The following ARAP2 variants were observed in gnomAD, a reference collection of about 807,000 sequenced individuals.
The protein encoded by ARAP2 is ArfGAP with RhoGAP domain, ankyrin repeat and PH domain 2.
In ARAP2, 148 loss-of-function variants were observed where a neutral mutation model predicts 194.5. That is an observed-to-expected ratio of 0.76 (90% CI 0.67 to 0.87). ARAP2 has a LOEUF of 0.87. Among genes scored for constraint, ARAP2 ranks in the 40% least tolerant of loss-of-function variants. ARAP2 has a pLI of 0.00. For missense variants in ARAP2, 2,128 were observed against 1,989.7 expected, an observed-to-expected ratio of 1.07 and a Z score of -1.32; for synonymous variants, 695 against 683.5, an observed-to-expected ratio of 1.02 and a Z score of -0.26.
chr4:36,070,187 G>C (rs1364656025), intron 32 of ARAP2, among the ~76,000 whole-genome samples: 1 of 152,176 alleles, frequency 6.6e-6, no homozygotes, highest in African/African-American at 2.4e-5. Context: ...TTAAATGAAG[G>C]TGGGGAGATG....
intron 1 of ARAP2, among the ~76,000 whole-genome samples, chr4:36,238,561 G>A (rs13114697): frequency 1.3e-5 from 2 of 151,938 alleles, no homozygotes; most frequent in South Asian, 2.1e-4. Flanking sequence ...TGTTCATAAG[G>A]GCTTATATTC....
chr4:36,169,709 A>G (rs375057715), intron 9 of ARAP2, among the ~76,000 whole-genome samples: 7 of 151,852 alleles, frequency 4.6e-5, no homozygotes, highest in Non-Finnish European at 7.4e-5. Context: ...CTTTTTTTGT[A>G]TTTTAGTAGA....
At chr4:36,181,478 TA>T (rs1739238103) in intron 8 of ARAP2, among the ~76,000 whole-genome samples, 1 of 152,088 alleles carries the variant, frequency 6.6e-6, no homozygotes, top group African/African-American at 2.4e-5. Context: ...GCATACTCCT[TA>T]ATAACAAGGG....
chr4:36,119,743 T>C, intron 23 of ARAP2, 25 bp from the exon 24 acceptor site: 1 of 1,509,314 alleles, frequency 6.6e-7, no homozygotes, highest in East Asian at 2.3e-5. Context: ...ATTCGGGACA[T>C]TCTAATAATG....
rs191308769 is a variant in ARAP2, at chr4:36,171,793, T to G, written c.1858-4746A>C. 3.6e-4 allele frequency among the ~76,000 whole-genome samples: 55 copies of G among 152,298 alleles called. No homozygotes were observed. The East Asian group carries it at 9.2e-3, about 26-fold the overall frequency. On this transcript the variant is annotated intron_variant, in intron 9 of 32. Transcript: ENST00000303965. The stretch of plus-strand genomic sequence containing the variant: ...TGAATTTGAAACCAACTGAACATAG[T>G]ATCTATTTAAAACTTAATTACAAAA...
chr4:36,154,280 T>C (rs908911269), intron 15 of ARAP2, among the ~76,000 whole-genome samples: 3 of 152,164 alleles, frequency 2.0e-5, no homozygotes, highest in Non-Finnish European at 4.4e-5. Flanking sequence ...TAAGATACAT[T>C]AGTAATCCTT....
At chr4:36,223,393 G>A (rs185029311) in intron 2 of ARAP2, among the ~76,000 whole-genome samples, 1 of 152,162 alleles carries the variant, frequency 6.6e-6, no homozygotes, top group East Asian at 1.9e-4. Context: ...GTAAATAGAG[G>A]AAATCTGCAG....
chr4:36,011,178 T>C (rs1714469298), intron 9 of ARAP2, among the ~76,000 whole-genome samples: 1 of 152,112 alleles, frequency 6.6e-6, no homozygotes, highest in Non-Finnish European at 1.5e-5. Context: ...GAAATAACCC[T>C]ACTCTTTTAT....
chr4:36,057,048 T>C (rs904900909), intron 2 of ARAP2, among the ~76,000 whole-genome samples: 3 of 80,944 alleles, frequency 3.7e-5, no homozygotes, highest in Non-Finnish European at 1.0e-4. Context: ...CTGTAGTTTT[T>C]TGTTGTTTTT....
intron 5 of ARAP2, among the ~76,000 whole-genome samples, chr4:36,023,730 T>C (rs1717408486): frequency 1.3e-5 from 2 of 152,190 alleles, no homozygotes; most frequent in Admixed American, 1.3e-4. Context: ...AGAGATTTCA[T>C]GGGCAGAGAC....
chr4:36,203,126 C>CA (rs1294653178), intron 6 of ARAP2, among the ~76,000 whole-genome samples: 1 of 152,172 alleles, frequency 6.6e-6, no homozygotes, highest in Non-Finnish European at 1.5e-5. Flanking sequence ...GTCTCTCCAC[C>CA]TTCACTCAAC....
intron 5 of ARAP2, among the ~76,000 whole-genome samples, chr4:36,021,122 C>T (rs1444621263): frequency 5.9e-5 from 9 of 151,984 alleles, no homozygotes; most frequent in East Asian, 5.8e-4. Flanking sequence ...TGCAGCTATT[C>T]GGAAAGGAGA....
intron 3 of ARAP2, among the ~76,000 whole-genome samples, chr4:36,050,187 TG>T (rs1473953249): frequency 3.3e-5 from 5 of 152,192 alleles, no homozygotes; most frequent in Admixed American, 2.0e-4. Flanking sequence ...ACCACAACAG[TG>T]TAATTATCCA....
chr4:36,013,908 A>G (rs2109315959), intron 8 of ARAP2, among the ~76,000 whole-genome samples: 1 of 152,240 alleles, frequency 6.6e-6, no homozygotes, highest in African/African-American at 2.4e-5. Context: ...TCTCATCAAG[A>G]ACAGTAGGAA....
At chr4:36,166,290 A>T (rs897943023) in intron 10 of ARAP2, among the ~76,000 whole-genome samples, 2 of 152,132 alleles carry the variant, frequency 1.3e-5, no homozygotes, top group African/African-American at 4.8e-5. Context: ...GTTGAACTCA[A>T]AAGATGTTGA....
rs1325826855 is a variant in ARAP2, at chr4:36,066,341, T to C, written c.*1566A>G. On this transcript the variant is annotated 3_prime_UTR_variant, in exon 33 of 33. Coordinates refer to ENST00000303965, the MANE Select transcript of ARAP2 (RefSeq NM_015230.4). ...GAAGATTCCCTAATAGTGCCACCTA[T>C]TTCATAAACTGTCCTGCAGTTTTGT... 6.6e-6 allele frequency: 1 copy of C among 152,186 alleles called. No individual in the cohort carries two copies. The highest frequency in any genetic ancestry group is 1.5e-5 in the Non-Finnish European group (1 of 68,034). The allele number at this position is 152,186 out of a possible 1,614,324, so 9.4% of individuals were successfully genotyped here.
At chr4:36,075,857 C>T (rs1174110545) in intron 31 of ARAP2, among the ~76,000 whole-genome samples, 1 of 152,096 alleles carries the variant, frequency 6.6e-6, no homozygotes, top group Non-Finnish European at 1.5e-5. Context: ...TTAAATTTAA[C>T]CTTAAATTTT....
intron 9 of ARAP2, among the ~76,000 whole-genome samples, chr4:36,172,554 A>T (rs371325344): frequency 6.6e-6 from 1 of 152,206 alleles, no homozygotes; most frequent in East Asian, 1.9e-4. Flanking sequence ...GTAAATATTT[A>T]CCAAGATACT....
At chr4:36,192,840 T>G (rs1742230135) in intron 7 of ARAP2, among the ~76,000 whole-genome samples, 1 of 151,934 alleles carries the variant, frequency 6.6e-6, no homozygotes, top group Non-Finnish European at 1.5e-5. Flanking sequence ...CTACTAAAAT[T>G]ACAAAATTAG....
Sources: gnomAD v4.1 joint callset for allele counts (sites outside exome capture counted in the v4.1 genomes callset) on GRCh38, gnomAD v4.1.1 for gene constraint, MANE v1.5 for transcripts, NCBI Gene and HGNC (gene_info 2026-07-23, HGNC 2026-07-21) for gene names.